The following UGT8 variants were observed in gnomAD, a reference collection of about 807,000 sequenced individuals.
The protein encoded by UGT8 is 2-hydroxyacylsphingosine 1-beta-galactosyltransferase.
In UGT8, 12 loss-of-function variants were observed where a neutral mutation model predicts 40.5. That is an observed-to-expected ratio of 0.30 (90% confidence interval 0.19 to 0.48). The LOEUF is 0.48. Ranked by LOEUF, UGT8 falls within the 20% of genes least tolerant of loss-of-function variation. The pLI is 0.99. For missense variants in UGT8, 513 were observed against 648.7 expected (o/e 0.79, Z 2.27); for synonymous variants, 224 against 240.4 (o/e 0.93, Z 0.63).
intron 2 of UGT8, among the ~76,000 whole-genome samples, chr4:114,649,667 G>A (rs1200880017): frequency 1.3e-5 from 2 of 152,070 alleles, no homozygotes; most frequent in Non-Finnish European, 2.9e-5. Flanking sequence ...GGCTAGCTAT[G>A]TGTCCACACT....
At chr4:114,636,847 T>A (rs1313257743) in intron 2 of UGT8, among the ~76,000 whole-genome samples, 1 of 152,088 alleles carries the variant, frequency 6.6e-6, no homozygotes, top group Non-Finnish European at 1.5e-5. Flanking sequence ...CCTATTCCCT[T>A]CTCTCTCTCT....
At chr4:114,668,490 C>T (rs888870000) in intron 5 of UGT8, among the ~76,000 whole-genome samples, 186 bp downstream of exon 5, 5 of 152,170 alleles carry the variant, frequency 3.3e-5, no homozygotes, top group African/African-American at 1.2e-4. Context: ...ATTTGACCAG[C>T]CATGTTATGA....
At chr4:114,660,838 C>A (rs1734479429) in intron 2 of UGT8, among the ~76,000 whole-genome samples, 1 of 151,212 alleles carries the variant, frequency 6.6e-6, no homozygotes, top group Non-Finnish European at 1.5e-5. Context: ...CTGCAGTAAG[C>A]CGAGATCGCA....
intron 1 of UGT8, among the ~76,000 whole-genome samples, chr4:114,611,407 T>TATATATATATATCC: frequency 9.5e-5 from 1 of 10,492 alleles, no homozygotes. Flanking sequence ...TATATCCATA[T>TATATATATATATCC]ATATATATAT....
intron 4 of UGT8, 78 bp from the exon 5 acceptor site, chr4:114,668,007 T>G: frequency 2.6e-6 from 4 of 1,549,074 alleles, no homozygotes. Flanking sequence ...GTAGTGCCGA[T>G]TTTTAATGAA....
At chr4:114,622,836 G>A (rs760239676) in intron 1 of UGT8, 43 bp from the exon 2 acceptor site, 12 of 1,515,392 alleles carry the variant, frequency 7.9e-6, no homozygotes, top group Non-Finnish European at 9.9e-6. Flanking sequence ...TGAATGGTGA[G>A]CATTGTATTT....
chr4:114,656,109 G>C (rs1734172814), intron 2 of UGT8, among the ~76,000 whole-genome samples: 1 of 152,062 alleles, frequency 6.6e-6, no homozygotes, highest in South Asian at 2.1e-4. Flanking sequence ...CATTATTGAT[G>C]ATGTCCACTT....
At chr4:114,626,068 T>C (rs1159006496) in intron 2 of UGT8, among the ~76,000 whole-genome samples, 1 of 152,224 alleles carries the variant, frequency 6.6e-6, no homozygotes, top group Non-Finnish European at 1.5e-5. Flanking sequence ...TATTAGATTA[T>C]CATTGTGAAG....
chr4:114,635,584 T>A (rs1732839420), intron 2 of UGT8, among the ~76,000 whole-genome samples: 1 of 152,192 alleles, frequency 6.6e-6, no homozygotes, highest in African/African-American at 2.4e-5. Flanking sequence ...AAAGATTTTG[T>A]AAAATATTTA....
chr4:114,610,098 A>G (rs149220112), intron 1 of UGT8, among the ~76,000 whole-genome samples: 2 of 152,322 alleles, frequency 1.3e-5, no homozygotes, highest in African/African-American at 4.8e-5. Flanking sequence ...TAAAAAGTCA[A>G]ACTATTATCT....
intron 2 of UGT8, among the ~76,000 whole-genome samples, chr4:114,647,020 G>A (rs977150357): frequency 6.6e-6 from 1 of 152,146 alleles, no homozygotes; most frequent in African/African-American, 2.4e-5. Context: ...TCATTCTAAA[G>A]CAGTTTGATT....
rs139780560 is a variant in UGT8, at chr4:114,623,408, C to T, written c.528C>T (p.Tyr176=). 6.1e-4 allele frequency: 990 copies of T among 1,614,158 alleles called. 4 individuals carry two copies. The African/African-American group carries it at 0.011, about 18-fold the overall frequency. The change falls in exon 2 of 6, where the codon TAC becomes TAT. Residue 176 remains tyrosine, a synonymous_variant. Coordinates refer to ENST00000310836, the MANE Select transcript of UGT8 (RefSeq NM_001128174.3). ...TGGGTGCTCCTGCTCCATTAGCATA[C>T]GTCCCAGAGTTTAACTCACTCCTCA... is the stretch of plus-strand genomic sequence containing the variant. ...AEVGAPAPLA[Y]VPEFNSLLTD...
chr4:114,645,676 A>T (rs942398763), intron 2 of UGT8, among the ~76,000 whole-genome samples: 4 of 152,224 alleles, frequency 2.6e-5, no homozygotes, highest in African/African-American at 7.2e-5. Context: ...TATACTAAAG[A>T]AGTAGTCATC....
chr4:114,643,229 A>G (rs1029097781), intron 2 of UGT8, among the ~76,000 whole-genome samples: 2 of 152,190 alleles, frequency 1.3e-5, no homozygotes, highest in African/African-American at 2.4e-5. Context: ...TTAGGCAGTC[A>G]TATTCAGGAG....
chr4:114,664,172 G>A, intron 3 of UGT8, 35 bp downstream of exon 3: 1 of 1,607,140 alleles, frequency 6.2e-7, no homozygotes, highest in Admixed American at 1.7e-5. Context: ...CTTTGCTATT[G>A]ACAATCAATA....
intron 5 of UGT8, among the ~76,000 whole-genome samples, chr4:114,673,770 C>T (rs893547285): frequency 2.0e-5 from 3 of 152,050 alleles, no homozygotes; most frequent in Non-Finnish European, 2.9e-5. Context: ...AAAGATACTC[C>T]TTTGCCCCAT....
intron 2 of UGT8, among the ~76,000 whole-genome samples, chr4:114,627,218 AAGGAGGTCTG>A: frequency 6.6e-6 from 1 of 151,978 alleles, no homozygotes; most frequent in Non-Finnish European, 1.5e-5. Flanking sequence ...TTTGATCAAG[AAGGAGGTCTG>A]TAGACAGGTC....
At chr4:114,608,878 A>T (rs1730882974) in intron 1 of UGT8, among the ~76,000 whole-genome samples, 2 of 152,346 alleles carry the variant, frequency 1.3e-5, no homozygotes, top group Non-Finnish European at 2.9e-5. Flanking sequence ...CATGAGGAAG[A>T]TAACTTAGGA....
At chr4:114,650,270 C>T (rs115369878) in intron 2 of UGT8, among the ~76,000 whole-genome samples, 1 of 152,180 alleles carries the variant, frequency 6.6e-6, no homozygotes, top group African/African-American at 2.4e-5. Flanking sequence ...TTCCTGGAAC[C>T]TTTTGCAAAT....
Sources: allele counts gnomAD v4.1 joint callset (sites outside exome capture counted in the v4.1 genomes callset), GRCh38; gene constraint gnomAD v4.1.1; transcripts MANE v1.5; gene names NCBI Gene and HGNC (gene_info 2026-07-23, HGNC 2026-07-21).